The following INTS4 variants were observed in gnomAD, a reference collection of about 807,000 sequenced individuals.
The protein encoded by INTS4 is integrator complex subunit 4.
INTS4 carries 70 observed loss-of-function variants against 119.5 expected under a neutral mutation model. The observed-to-expected ratio is 0.59, with a 90% CI of 0.48 to 0.71. The LOEUF is 0.71. INTS4 is among the 30% of genes least tolerant of loss of function. INTS4 has a pLI of 0.00. For missense variants in INTS4, 867 were observed against 1,173.2 expected (o/e 0.74, Z 3.81); for synonymous variants, 316 against 419.6 (o/e 0.75, Z 3.02).
rs564720876 is a variant in INTS4 at position 77,924,779 on chromosome 11, C to G, written c.1485G>C (p.Lys495Asn). 1 of 1,609,120 alleles carries G rather than the reference C, an allele frequency of 6.2e-7. No individual in the cohort carries two copies. The highest frequency in any genetic ancestry group is 1.1e-5 in the South Asian group (1 of 90,962). Residue 495 changes from lysine to asparagine, a missense_variant, in exon 12 of 23, where the codon AAG becomes AAC. Physicochemically the swap from Lys to Asn is moderately conservative, Grantham distance 94 (BLOSUM62 0). Coordinates refer to ENST00000534064, the MANE Select transcript of INTS4 (RefSeq NM_033547.4). ...ATATGGAGTCCCTATCAGTAGGGTA[C>G]TTGGTTAAATTTTTCAGCAGCTCCA... ...ALVELLKNLT[K>N]YPTDRDSIWK...
intron 22 of INTS4, among the ~76,000 whole-genome samples, chr11:77,880,471 G>C (rs1951749843): frequency 1.3e-5 from 2 of 152,204 alleles, no homozygotes; most frequent in South Asian, 4.1e-4. Flanking sequence ...GACAACATGA[G>C]GGTCATGCAG....
At chr11:77,900,515 C>T (rs1952743613) in intron 18 of INTS4, 5 of 606,786 alleles carry the variant, frequency 8.2e-6, no homozygotes, top group South Asian at 1.9e-5. Flanking sequence ...TAGTATGTTT[C>T]TGTGTTTAAG....
At chr11:77,944,774 G>A (rs1236548927) in intron 8 of INTS4, among the ~76,000 whole-genome samples, 1 of 152,126 alleles carries the variant, frequency 6.6e-6, no homozygotes, top group Non-Finnish European at 1.5e-5. Context: ...TCACATTTTG[G>A]ATTTTGGAGC....
At chr11:77,960,697 T>TC (rs1954447438) in intron 5 of INTS4, among the ~76,000 whole-genome samples, 1 of 152,078 alleles carries the variant, frequency 6.6e-6, no homozygotes, top group Admixed American at 6.6e-5. Context: ...GTCATATGCC[T>TC]CCAAGTCGAA....
intron 18 of INTS4, among the ~76,000 whole-genome samples, chr11:77,896,194 ACAG>A (rs775377970): frequency 1.7e-4 from 26 of 152,208 alleles, no homozygotes; most frequent in Non-Finnish European, 2.8e-4. Flanking sequence ...TGCTACAGAA[ACAG>A]CAGATGACAA....
intron 4 of INTS4, among the ~76,000 whole-genome samples, chr11:77,970,228 C>A (rs1369712658): frequency 1.3e-5 from 2 of 151,940 alleles, no homozygotes; most frequent in African/African-American, 4.8e-5. Context: ...GAAACCCCAT[C>A]TCTATTAAAA....
In INTS4 at chr11:77,991,143, C is replaced by T. The variant is rs781297798; in HGVS notation, c.211G>A (p.Gly71Arg). ...RKPVEAESVE[G>R]VVRILLEHYY... ...TGTTCCAAGAGAATCCTGACTACTC[C>T]CTCTACGCTTTCCGCCTCGACAGGC... The change falls in exon 2 of 23, where the codon GGA becomes AGA. Residue 71 changes from glycine to arginine, a missense_variant. Coordinates refer to ENST00000534064, the MANE Select transcript of INTS4 (RefSeq NM_033547.4). The T allele has an allele frequency of 1.9e-6, 3 of 1,614,148 alleles. No homozygotes were observed. Among genetic ancestry groups the T allele is most frequent in the Non-Finnish European group, 2.5e-6 (3 of 1,180,010 alleles).
intron 10 of INTS4, among the ~76,000 whole-genome samples, chr11:77,934,303 T>A (rs1296830565): frequency 2.0e-5 from 3 of 151,862 alleles, no homozygotes; most frequent in Non-Finnish European, 4.4e-5. Context: ...CCTTGTTCAC[T>A]TGCTTATCTG....
intron 2 of INTS4, among the ~76,000 whole-genome samples, chr11:77,986,865 A>G (rs1340862373): frequency 3.9e-5 from 6 of 152,174 alleles, no homozygotes; most frequent in Non-Finnish European, 8.8e-5. Flanking sequence ...GAGGGATAGC[A>G]TTAGGAGAAA....
chr11:77,933,929 A>C (rs191856656), intron 10 of INTS4, among the ~76,000 whole-genome samples: 2 of 152,160 alleles, frequency 1.3e-5, no homozygotes, highest in Non-Finnish European at 2.9e-5. Context: ...CATGATGACA[A>C]TGGCGGTTTT....
chr11:77,915,514 C>G (rs926484239), intron 15 of INTS4, among the ~76,000 whole-genome samples: 6 of 152,148 alleles, frequency 3.9e-5, no homozygotes, highest in African/African-American at 1.4e-4. Context: ...CCAGCATTCT[C>G]CCCACGACCT....
intron 2 of INTS4, among the ~76,000 whole-genome samples, chr11:77,990,830 C>G (rs1856653549): frequency 6.6e-6 from 1 of 152,160 alleles, no homozygotes; most frequent in Non-Finnish European, 1.5e-5. Flanking sequence ...CTCTTTTGTG[C>G]TTCCACTGTA....
chr11:77,901,222 C>A (rs1364027254), intron 18 of INTS4, 199 bp downstream of exon 18: 11 of 648,596 alleles, frequency 1.7e-5, no homozygotes, highest in Non-Finnish European at 2.7e-5. Flanking sequence ...GGGAGAGACA[C>A]AATTGGATTT....
In INTS4 at chr11:77,888,032, C is replaced by T. The variant is rs1056815458; in HGVS notation, c.2592+3287G>A. Among the ~76,000 whole-genome samples the T allele has an allele frequency of 2.7e-3, 405 of 152,320 alleles. 5 individuals carry two copies. The highest frequency in any genetic ancestry group is 2.5e-3 in the Non-Finnish European group (169 of 68,032). On this transcript the variant is annotated intron_variant, in intron 21 of 22. Transcript: ENST00000534064. ...TTTATACATTCAATGCCATCCCCAT[C>T]AAGCTACCAATGACTTTCTTCACAG...
intron 4 of INTS4, among the ~76,000 whole-genome samples, chr11:77,976,562 A>C (rs559147530): frequency 3.3e-5 from 5 of 152,316 alleles, no homozygotes; most frequent in East Asian, 3.9e-4. Context: ...TTGACCCAGC[A>C]ATCCCATTAC....
At position 77,956,759 on chromosome 11, in the gene INTS4, A is replaced by AC. The variant is rs1167279652; in HGVS notation, c.798-698_798-697insG. Among the ~76,000 whole-genome samples, 129 of 140,112 alleles carry AC rather than the reference A, an allele frequency of 9.2e-4. 2 individuals are homozygous for AC. The highest frequency in any genetic ancestry group is 9.3e-4 in the Non-Finnish European group (60 of 64,490). The allele number at this position is 140,112 out of a possible 152,430, so 91.9% of individuals were successfully genotyped here. A position where few individuals can be genotyped will look rare whatever the true frequency, so the allele number is the denominator to read the frequency against. ...TAATAATAATAATAATAATAATAAT[A>AC]AACAAATAAATACATAAGTAAGTAA... is the stretch of plus-strand genomic sequence containing the variant. On this transcript the variant is annotated intron_variant, in intron 7 of 22. Transcript: ENST00000534064.
chr11:77,972,696 C>T (rs142050422), intron 4 of INTS4, among the ~76,000 whole-genome samples: 1,630 of 152,192 alleles, frequency 0.011, 22 homozygotes, highest in African/African-American at 0.038. Context: ...GGATTACAGG[C>T]GTGAGCCACC....
At chr11:77,991,327 A>G (rs1340538290) in intron 1 of INTS4, 28 bp from the exon 2 acceptor site, 1 of 1,566,290 alleles carries the variant, frequency 6.4e-7, no homozygotes. Context: ...AATCGAAAAC[A>G]CAGAATCTGC....
chr11:77,978,996 C>T lies in INTS4; in HGVS notation c.471G>A (p.Lys157=), dbSNP rs373878410. The T allele has an allele frequency of 1.9e-6, 3 of 1,590,612 alleles. No individual in the cohort carries two copies. The highest frequency in any genetic ancestry group is 1.3e-5 in the African/African-American group (1 of 74,462). Residue 157 remains lysine, a splice_region_variant and synonymous_variant, in exon 4 of 23, where the codon AAG becomes AAA. Transcript: ENST00000534064. The part of the protein sequence containing the change: ...IQMRLVDVAC[K]HLTDTSHGVR... ...ATCTGAATAGATTTTATACTCTTACCTTGCAGGCCACATCAACTAATCGCA... is the reference window on the plus strand; with the variant it reads ...ATCTGAATAGATTTTATACTCTTACTTTGCAGGCCACATCAACTAATCGCA...
Sources: gnomAD v4.1 joint callset for allele counts (sites outside exome capture counted in the v4.1 genomes callset) on GRCh38, gnomAD v4.1.1 for gene constraint, MANE v1.5 for transcripts, NCBI Gene and HGNC (gene_info 2026-07-23, HGNC 2026-07-21) for gene names.